The following ATP6V0A4 variants were observed in gnomAD, a reference collection of about 807,000 sequenced individuals.
ATP6V0A4 encodes the protein ATPase H+ transporting V0 subunit a4, also known as V-type proton ATPase 116 kDa subunit a 4.
ATP6V0A4 carries 86 observed loss-of-function variants against 107.3 expected under a neutral mutation model. The observed-to-expected ratio is 0.80, with a 90% confidence interval of 0.67 to 0.96. The LOEUF is 0.96. ATP6V0A4 is among the 40% of genes least tolerant of loss of function. The pLI is 0.00. For synonymous variants in ATP6V0A4, 353 were observed against 381.4 expected (o/e 0.93, Z 0.87); for missense variants, 908 against 1,045.6 (o/e 0.87, Z 1.81).
At position 138,717,340 on chromosome 7, in the gene ATP6V0A4, G is replaced by A. The variant is rs148745512; in HGVS notation, c.2140-1459C>T. 1.0e-3 allele frequency among the ~76,000 whole-genome samples: 154 copies of A among 152,228 alleles called. 1 individual carries two copies. The highest frequency in any genetic ancestry group is 3.5e-3 in the African/African-American group (145 of 41,536). On this transcript the variant is annotated intron_variant, in intron 19 of 21. Coordinates refer to ENST00000310018, the MANE Select transcript of ATP6V0A4 (RefSeq NM_020632.3). The stretch of plus-strand genomic sequence containing the variant: ...AGGCAGGTGGATCACAAGGTCAAGA[G>A]ATCGAGACCATCCTGGCGAACACGG...
rs779097817 is a variant in ATP6V0A4 at position 138,771,212 on chromosome 7, C to T, written c.36G>A (p.Leu12=). The change falls in exon 3 of 22, where the codon TTG becomes TTA. Residue 12 remains leucine, a synonymous_variant. Coordinates refer to ENST00000310018, the MANE Select transcript of ATP6V0A4 (RefSeq NM_020632.3). ...CTTCCACCTGGAGAAACAGTTGTGA[C>T]AAACACATCTCCTCGCTTCGAAACA... The part of the protein sequence containing the change: ...VSVFRSEEMC[L]SQLFLQVEAA... 34 of 1,614,018 alleles carry T rather than the reference C, an allele frequency of 2.1e-5. No homozygotes were observed. The highest frequency in any genetic ancestry group is 8.8e-5 in the South Asian group (8 of 91,086).
At chr7:138,762,833 G>A (rs1375397882) in intron 6 of ATP6V0A4, 67 bp downstream of exon 6, 2 of 1,554,962 alleles carry the variant, frequency 1.3e-6, no homozygotes, top group African/African-American at 2.7e-5. Context: ...AGGCCAGCCA[G>A]TTTCCAAAAT....
intron 21 of ATP6V0A4, among the ~76,000 whole-genome samples, chr7:138,709,045 C>T (rs1803594110): frequency 6.6e-6 from 1 of 151,860 alleles, no homozygotes; most frequent in South Asian, 2.1e-4. Flanking sequence ...CCCGTCTCTG[C>T]CAAAAATACA....
chr7:138,785,837 A>C (rs950861330), intron 2 of ATP6V0A4, among the ~76,000 whole-genome samples: 8 of 152,210 alleles, frequency 5.3e-5, no homozygotes, highest in African/African-American at 1.9e-4. Flanking sequence ...CTGAGATCAA[A>C]TCTACGGATG....
intron 2 of ATP6V0A4, among the ~76,000 whole-genome samples, chr7:138,772,993 C>G (rs967343989): frequency 1.3e-5 from 2 of 152,110 alleles, no homozygotes; most frequent in African/African-American, 4.8e-5. Flanking sequence ...GAAGCTATTC[C>G]CAAAGATCCT....
At position 138,734,229 on chromosome 7, in the gene ATP6V0A4, A is replaced by G; in HGVS notation, c.1598T>C (p.Leu533Pro). 1 of 1,613,476 alleles carries G rather than the reference A, an allele frequency of 6.2e-7. No homozygotes were observed. Among genetic ancestry groups the G allele is most frequent in the Non-Finnish European group, 8.5e-7 (1 of 1,179,552 alleles). ...CATTTTATACGAGTTCAGAAATGTG[A>G]GTTTGTTTGAAGCCAAGTTCCAAAT... ...DPIWNLASNK[L>P]TFLNSYKMKM... The change falls in exon 16 of 22, where the codon CTC becomes CCC. Residue 533 changes from leucine (L) to proline (P), a missense_variant. Transcript: ENST00000310018.
chr7:138,790,279 G>A (rs1460324294), intron 1 of ATP6V0A4, among the ~76,000 whole-genome samples: 1 of 152,100 alleles, frequency 6.6e-6, no homozygotes, highest in Non-Finnish European at 1.5e-5. Context: ...ACCCAAGAAT[G>A]TTTTTTGTTG....
At chr7:138,706,852 G>A in intron 21 of ATP6V0A4, 135 bp from the exon 22 acceptor site, 1 of 1,427,646 alleles carries the variant, frequency 7.0e-7, no homozygotes. Context: ...GGCCACGGCA[G>A]GCACCCAGGC....
In ATP6V0A4 at chr7:138,743,190, G is replaced by A. The variant is rs190949884; in HGVS notation, c.1478+1933C>T. Among the ~76,000 whole-genome samples the A allele has an allele frequency of 2.6e-5, 4 of 152,192 alleles. No individual in the cohort carries two copies. The East Asian group carries it at 7.7e-4, about 29-fold the overall frequency. On this transcript the variant is annotated intron_variant, in intron 14 of 21. Coordinates refer to ENST00000310018, the MANE Select transcript of ATP6V0A4 (RefSeq NM_020632.3). ...AACCCAGGATTGGGCCGGGCGTGTGGCTCATGCCTGTAATCCTAGCACTTT... is the reference window on the plus strand; with the variant it reads ...AACCCAGGATTGGGCCGGGCGTGTGACTCATGCCTGTAATCCTAGCACTTT...
chr7:138,776,589 T>C (rs3807146), intron 2 of ATP6V0A4, among the ~76,000 whole-genome samples: 151,818 of 152,314 alleles, frequency 1, 75,663 homozygotes, highest in Middle Eastern at 1. Context: ...ACCTCTCATC[T>C]TGCTCTTCCC....
At chr7:138,749,582 C>T (rs575384454) in intron 11 of ATP6V0A4, among the ~76,000 whole-genome samples, 2 of 152,304 alleles carry the variant, frequency 1.3e-5, no homozygotes, top group South Asian at 2.1e-4. Context: ...GCTGTAAATG[C>T]GAATGTTATG....
At chr7:138,756,701 T>C (rs991029335) in intron 8 of ATP6V0A4, 161 bp from the exon 9 acceptor site, 1 of 569,158 alleles carries the variant, frequency 1.8e-6, no homozygotes, top group Non-Finnish European at 2.2e-6. Context: ...TAGCTCACAG[T>C]TGAGAGCAAG....
At chr7:138,734,039 T>G in intron 16 of ATP6V0A4, 97 bp downstream of exon 16, 4 of 1,392,520 alleles carry the variant, frequency 2.9e-6, no homozygotes, top group East Asian at 4.7e-5. Context: ...GAAGAAAACT[T>G]GCACAGAGAG....
Position 138,718,201 on chromosome 7 carries a change from G to GGTGT in ATP6V0A4, c.2140-2324_2140-2321dup, listed in dbSNP as rs745612469. 7.1e-3 allele frequency among the ~76,000 whole-genome samples: 323 copies of GGTGT among 45,502 alleles called. 48 individuals carry two copies. Among genetic ancestry groups the GGTGT allele is most frequent in the Middle Eastern group, 0.019 (1 of 52 alleles). 29.9% of individuals were successfully genotyped at this position (45,502 alleles called of 152,430 possible). A position where few individuals can be genotyped will look rare whatever the true frequency, so the allele number is the denominator to read the frequency against. ...GGAGGGAGACGTCCAGGAAGGAATG[G>GGTGT]GTGTGTGTGTGTGTGTGTGTGTGTG... On this transcript the variant is annotated intron_variant, in intron 19 of 21. Coordinates refer to ENST00000310018, the MANE Select transcript of ATP6V0A4 (RefSeq NM_020632.3).
chr7:138,764,046 T>C (rs1394421589), intron 5 of ATP6V0A4, among the ~76,000 whole-genome samples: 1 of 150,222 alleles, frequency 6.7e-6, no homozygotes, highest in Non-Finnish European at 1.5e-5. Flanking sequence ...ATATAATATA[T>C]ATGAAATTGA....
chr7:138,722,745 A>C (rs1471583890), intron 18 of ATP6V0A4, among the ~76,000 whole-genome samples: 3 of 45,710 alleles, frequency 6.6e-5, no homozygotes, highest in African/African-American at 1.3e-4. Flanking sequence ...ACTCCATCTC[A>C]AAAAAAAAAA....
intron 1 of ATP6V0A4, among the ~76,000 whole-genome samples, chr7:138,791,721 T>A (rs1025829493): frequency 1.3e-5 from 2 of 152,094 alleles, no homozygotes; most frequent in Non-Finnish European, 2.9e-5. Flanking sequence ...TTGTACCCAA[T>A]GAAGGTGATT....
chr7:138,737,390 A>G (rs1307369008), intron 15 of ATP6V0A4, among the ~76,000 whole-genome samples: 1 of 151,066 alleles, frequency 6.6e-6, no homozygotes, highest in Non-Finnish European at 1.5e-5. Flanking sequence ...TGTGCCTTTC[A>G]CTTTCCACCA....
intron 2 of ATP6V0A4, among the ~76,000 whole-genome samples, chr7:138,774,671 C>CATTATATACATTATATATTATAT (rs1431518725): frequency 2.7e-5 from 4 of 146,442 alleles, no homozygotes; most frequent in Non-Finnish European, 6.0e-5. Flanking sequence ...ATATTATATA[C>CATTATATACATTATATATTATAT]ATTATATATA....
Sources: allele counts gnomAD v4.1 joint callset (sites outside exome capture counted in the v4.1 genomes callset), GRCh38; gene constraint gnomAD v4.1.1; transcripts MANE v1.5; gene names NCBI Gene and HGNC (gene_info 2026-07-23, HGNC 2026-07-21).